The following SNRPN variants were observed in gnomAD, a reference collection of about 807,000 sequenced individuals.
SNRPN encodes small nuclear ribonucleoprotein polypeptide N, also known as small nuclear ribonucleoprotein-associated protein N.
A neutral mutation model predicts 25.2 loss-of-function variants in SNRPN; 7 were observed. That is an observed-to-expected ratio of 0.28 (90% CI 0.16 to 0.52). The LOEUF (loss-of-function observed/expected upper bound fraction) is 0.52, where lower values mean the gene tolerates loss of function less well. Among genes scored for constraint, SNRPN ranks in the 20% least tolerant of loss-of-function variants. The pLI is 0.96. For synonymous variants in SNRPN, 124 were observed against 110.6 expected, an observed-to-expected ratio of 1.12 and a Z score of -0.76; for missense variants, 196 against 322.5, an observed-to-expected ratio of 0.61 and a Z score of 3.00.
At position 24,966,750 on chromosome 15, in the gene SNRPN, C is replaced by G. The variant is rs375475030; in HGVS notation, c.-294-1182C>G. Among the ~76,000 whole-genome samples, 35 of 152,206 alleles carry G rather than the reference C, an allele frequency of 2.3e-4. 1 individual carries two copies. Among genetic ancestry groups the G allele is most frequent in the African/African-American group, 8.2e-4 (34 of 41,522 alleles). On this transcript the variant is annotated intron_variant, in intron 2 of 9. Coordinates refer to ENST00000390687, the MANE Select transcript of SNRPN (RefSeq NM_003097.6). ...AGTTAAATTCTTTATTATACAGAAG[C>G]AATTTTAAAATGTTACTGAAAAACC...
chr15:24,969,974 A>G lies in SNRPN; in HGVS notation c.-144+1892A>G, dbSNP rs220031. ...AGCCTAAAATACTTAGTATCTTGCT[A>G]TTTAAAAGAAAATAATTGGCTGAGT... On this transcript the variant is annotated intron_variant, in intron 3 of 9. Transcript: ENST00000390687. 8.3e-3 allele frequency among the ~76,000 whole-genome samples: 1,271 copies of G among 152,338 alleles called. 15 individuals are homozygous for G. Among genetic ancestry groups the G allele is most frequent in the African/African-American group, 0.028 (1,154 of 41,574 alleles).
At chr15:24,875,348 G>C (rs2055749550) in intron 1 of SNRPN, among the ~76,000 whole-genome samples, 2 of 152,190 alleles carry the variant, frequency 1.3e-5, no homozygotes, top group South Asian at 2.1e-4. Context: ...AACTATGTTA[G>C]AATATCTTTT....
At position 24,971,739 on chromosome 15, in the gene SNRPN, A is replaced by G. The variant is rs2153637772; in HGVS notation, c.-143-2572A>G. ...TTCCAACCTCTGGCATAAATGGGTT[A>G]AAAACGGCTTTAGTGATGTAGTGCT... On this transcript the variant is annotated intron_variant, in intron 3 of 9. Coordinates refer to ENST00000390687, the MANE Select transcript of SNRPN (RefSeq NM_003097.6). Among the ~76,000 whole-genome samples, 2 of 152,304 alleles carry G rather than the reference A, an allele frequency of 1.3e-5. 1 individual carries two copies.
chr15:24,956,293 T>C (rs2062860337), intron 1 of SNRPN, among the ~76,000 whole-genome samples: 1 of 148,022 alleles, frequency 6.8e-6, no homozygotes, highest in Non-Finnish European at 1.5e-5. Context: ...GTCACTGCCA[T>C]TGTGCAGCTC....
chr15:24,847,565 G>A lies in SNRPN; in HGVS notation c.-579+17660G>A, dbSNP rs370572921. Among the ~76,000 whole-genome samples the A allele has an allele frequency of 4.6e-5, 7 of 152,274 alleles. No individual in the cohort carries two copies. The East Asian group carries it at 1.3e-3, about 29-fold the overall frequency. ...GAGGCAGGAGAATTGCTTGAACCTA[G>A]GAGGTGGAGGTTGTAGTGAGCCGAG... On this transcript the variant is annotated intron_variant, in intron 2 of 12. Transcript: ENST00000400100.
chr15:24,874,679 T>C (rs531557929), intron 1 of SNRPN, among the ~76,000 whole-genome samples: 55 of 152,210 alleles, frequency 3.6e-4, no homozygotes, highest in East Asian at 5.8e-4. Context: ...TGACGTCTTC[T>C]GGTGATATGA....
At chr15:24,934,571 T>C (rs2061102292) in intron 3 of SNRPN, among the ~76,000 whole-genome samples, 1 of 152,174 alleles carries the variant, frequency 6.6e-6, no homozygotes, top group South Asian at 2.1e-4. Context: ...TGATTGATTA[T>C]TATTTGAAAT....
intron 4 of SNRPN, among the ~76,000 whole-genome samples, chr15:24,975,116 AG>A (rs2076920548): frequency 6.6e-6 from 1 of 152,200 alleles, no homozygotes. Flanking sequence ...GTCACAGAGA[AG>A]GATAATCACC....
chr15:24,864,184 G>A (rs1367133386), intron 1 of SNRPN, among the ~76,000 whole-genome samples: 9 of 142,028 alleles, frequency 6.3e-5, no homozygotes, highest in Admixed American at 5.5e-4. Context: ...CCACCACAAC[G>A]CCCGGCTAAT....
At chr15:24,913,409 A>G (rs958747873) in intron 2 of SNRPN, among the ~76,000 whole-genome samples, 1 of 152,120 alleles carries the variant, frequency 6.6e-6, no homozygotes, top group Non-Finnish European at 1.5e-5. Context: ...TTGGGACGAC[A>G]AGGTGGGCAG....
At chr15:24,850,630 A>G (rs2052733148) in intron 2 of SNRPN, 1 of 152,232 alleles carries the variant, frequency 6.6e-6, no homozygotes, top group African/African-American at 2.4e-5. Context: ...GAGCTCTATT[A>G]ATGGAGCTGA....
chr15:24,862,056 A>T (rs1383615420), intron 1 of SNRPN, among the ~76,000 whole-genome samples: 1 of 150,974 alleles, frequency 6.6e-6, no homozygotes, highest in Non-Finnish European at 1.5e-5. Context: ...GCTGCAGGCG[A>T]TCCTGTAAGA....
chr15:24,956,954 C>T (rs1398164683), intron 1 of SNRPN, among the ~76,000 whole-genome samples: 4 of 152,194 alleles, frequency 2.6e-5, no homozygotes, highest in Non-Finnish European at 5.9e-5. Flanking sequence ...TTTCAGCAAG[C>T]CTCCATTAAT....
chr15:24,945,544 C>T (rs996828042), intron 3 of SNRPN, among the ~76,000 whole-genome samples: 1 of 151,782 alleles, frequency 6.6e-6, no homozygotes, highest in Non-Finnish European at 1.5e-5. Flanking sequence ...TAGAAAGGCC[C>T]CATCTCTTTA....
rs1219588465 is a variant in SNRPN at position 24,965,998 on chromosome 15, T to C, written c.-294-1934T>C. On this transcript the variant is annotated intron_variant, in intron 2 of 9. Transcript: ENST00000390687. ...ATTTATTTATTCAGTGATTAGACTA[T>C]GAATTAGAGTATAAAGTAGACTATG... Among the ~76,000 whole-genome samples, 3 of 152,324 alleles carry C rather than the reference T, an allele frequency of 2.0e-5. No individual in the cohort carries two copies. The East Asian group carries it at 5.8e-4, about 29-fold the overall frequency.
intron 1 of SNRPN, among the ~76,000 whole-genome samples, chr15:24,865,583 T>C (rs767377330): frequency 6.6e-6 from 1 of 152,112 alleles, no homozygotes; most frequent in Non-Finnish European, 1.5e-5. Context: ...GCAAATTGTT[T>C]TAAGATTGTT....
intron 2 of SNRPN, among the ~76,000 whole-genome samples, chr15:24,842,274 A>G (rs1394981333): frequency 2.6e-5 from 4 of 152,206 alleles, no homozygotes; most frequent in Non-Finnish European, 4.4e-5. Context: ...TATACCAGCC[A>G]TCAGGAATAG....
chr15:24,856,567 T>C (rs1354780000), exon 1 of SNRPN: 1 of 152,212 alleles, frequency 6.6e-6, no homozygotes, highest in African/African-American at 2.4e-5. Flanking sequence ...GCTCAGAGCC[T>C]TCTGTGGGGT....
intron 2 of SNRPN, among the ~76,000 whole-genome samples, chr15:24,902,396 TA>T (rs150041079): frequency 4.7e-4 from 72 of 152,062 alleles, no homozygotes; most frequent in Admixed American, 1.4e-3. Context: ...AGTAGTAACT[TA>T]AAAAAATATA....
Sources: gnomAD v4.1 joint callset for allele counts (sites outside exome capture counted in the v4.1 genomes callset) on GRCh38, gnomAD v4.1.1 for gene constraint, MANE v1.5 for transcripts, NCBI Gene and HGNC (gene_info 2026-07-23, HGNC 2026-07-21) for gene names.